SYN3: variants seen among roughly 807,000 people sequenced by gnomAD.
SYN3 encodes synapsin-3.
Under a neutral mutation model 65.8 loss-of-function variants are expected in SYN3, and 35 were observed. That is an observed-to-expected ratio of 0.53 (90% CI 0.41 to 0.70). SYN3 has a LOEUF of 0.70. SYN3 is among the 30% of genes least tolerant of loss of function. The pLI is 0.00. For missense variants in SYN3, 680 were observed against 749.0 expected (o/e 0.91, Z 1.08); for synonymous variants, 270 against 292.9 (o/e 0.92, Z 0.80).
At chr22:32,957,241 A>G (rs1467576702) in intron 3 of SYN3, among the ~76,000 whole-genome samples, 1 of 152,182 alleles carries the variant, frequency 6.6e-6, no homozygotes, top group African/African-American at 2.4e-5. Context: ...AAGCTGCCCA[A>G]GGGTTAAGTA....
In SYN3 at chr22:32,858,030, T is replaced by C. The variant is rs1472648618; in HGVS notation, c.711+6885A>G. The C allele has an allele frequency of 1.5e-5, 25 of 1,614,046 alleles. No homozygotes were observed. The highest frequency in any genetic ancestry group is 2.2e-5 in the East Asian group (1 of 44,874). ...TTCCTCCTGTAGGTCGCGTCTATGA[T>C]GGCAAGATGTACACGGGGCTGTGCA... On this transcript the variant is annotated intron_variant, in intron 6 of 13. Coordinates refer to ENST00000358763, the MANE Select transcript of SYN3 (RefSeq NM_003490.4).
At chr22:32,748,375 C>T (rs1490150821) in intron 6 of SYN3, among the ~76,000 whole-genome samples, 1 of 152,126 alleles carries the variant, frequency 6.6e-6, no homozygotes, top group East Asian at 1.9e-4. Context: ...CAGACAGCAA[C>T]CTCTCTGAGC....
In SYN3 at chr22:32,837,244, T is replaced by C. The variant is rs1209983816; in HGVS notation, c.711+27671A>G. On this transcript the variant is annotated intron_variant, in intron 6 of 13. Transcript: ENST00000358763. The surrounding 1 kb of genome is among the most constrained non-coding windows in gnomAD (Gnocchi z 4.1). ...AAGGGGCTGTGGTTGAAGACCATGC[T>C]GCTATTCTGGTGGCCACTTGTGTGG... 6.6e-6 allele frequency among the ~76,000 whole-genome samples: 1 copy of C among 152,232 alleles called. No homozygotes were observed. Among genetic ancestry groups the C allele is most frequent in the Admixed American group, 6.5e-5 (1 of 15,288 alleles).
chr22:32,649,841 C>T (rs892271894), intron 6 of SYN3, among the ~76,000 whole-genome samples: 5 of 152,094 alleles, frequency 3.3e-5, no homozygotes, highest in African/African-American at 4.8e-5. Context: ...GCCACAGAAT[C>T]GGGTGGTTTA....
Position 32,558,257 on chromosome 22 carries a change from C to T in SYN3, c.775-16544G>A, listed in dbSNP as rs530212218. ...TTCCTCCTTCCTCTTTACAATGTTA[C>T]TGAAGCTCAGAAACCCTGTAGGATA... On this transcript the variant is annotated intron_variant, in intron 7 of 13. Transcript: ENST00000358763. Among the ~76,000 whole-genome samples, 14 of 152,324 alleles carry T rather than the reference C, an allele frequency of 9.2e-5. No homozygotes were observed. In the South Asian group the frequency reaches 2.9e-3, roughly 32 times the overall value.
At chr22:32,580,470 G>A (rs895196744) in intron 7 of SYN3, among the ~76,000 whole-genome samples, 4 of 151,988 alleles carry the variant, frequency 2.6e-5, no homozygotes, top group Non-Finnish European at 4.4e-5. Flanking sequence ...CTCTCTTACT[G>A]TGCCTAAATT....
intron 7 of SYN3, among the ~76,000 whole-genome samples, chr22:32,580,817 T>C (rs2058928848): frequency 1.3e-5 from 2 of 152,164 alleles, no homozygotes; most frequent in Non-Finnish European, 2.9e-5. Context: ...CTCAAATAGG[T>C]AGCATCTGGC....
intron 4 of SYN3, among the ~76,000 whole-genome samples, chr22:32,909,095 C>T (rs1054397291): frequency 2.0e-5 from 3 of 152,104 alleles, no homozygotes; most frequent in Non-Finnish European, 2.9e-5. Context: ...CTGGACTAGG[C>T]GGCATGCTAA....
intron 6 of SYN3, among the ~76,000 whole-genome samples, chr22:32,834,059 A>G (rs1017655818): frequency 2.6e-5 from 4 of 152,226 alleles, no homozygotes; most frequent in African/African-American, 9.6e-5. Flanking sequence ...GAGCACTGGC[A>G]TATAATGGAA....
chr22:32,875,443 T>C (rs1435410224), intron 4 of SYN3, among the ~76,000 whole-genome samples: 2 of 152,182 alleles, frequency 1.3e-5, no homozygotes, highest in Non-Finnish European at 1.5e-5. Flanking sequence ...TTCCTCCTGG[T>C]CACCCTGGGA....
intron 6 of SYN3, among the ~76,000 whole-genome samples, chr22:32,614,305 G>A (rs867216979): frequency 6.6e-6 from 1 of 152,218 alleles, no homozygotes; most frequent in Non-Finnish European, 1.5e-5. Context: ...TGCAGCCGAT[G>A]GATGTGTGTG....
chr22:32,952,080 C>T (rs1482932006), intron 3 of SYN3, among the ~76,000 whole-genome samples: 1 of 152,156 alleles, frequency 6.6e-6, no homozygotes, highest in African/African-American at 2.4e-5. Flanking sequence ...TGAGCTCTTT[C>T]CCACCAGTTC....
intron 7 of SYN3, among the ~76,000 whole-genome samples, chr22:32,589,217 C>A (rs974752790): frequency 9.9e-5 from 15 of 152,208 alleles, no homozygotes; most frequent in Non-Finnish European, 1.9e-4. Flanking sequence ...AAGCCAAGAA[C>A]CTTCCCAGGC....
Position 32,756,507 on chromosome 22 carries a change from G to A in SYN3, c.711+108408C>T, listed in dbSNP as rs1381480339. Among the ~76,000 whole-genome samples the A allele has an allele frequency of 2.0e-5, 3 of 152,172 alleles. No individual in the cohort carries two copies. The East Asian group carries it at 5.8e-4, about 29-fold the overall frequency. On this transcript the variant is annotated intron_variant, in intron 6 of 13. Transcript: ENST00000358763. ...TGCCATGCATTTTACAACTATACATGCCGACTGATATAGTTTGGATGTCCC... is the reference window on the plus strand; with the variant it reads ...TGCCATGCATTTTACAACTATACATACCGACTGATATAGTTTGGATGTCCC...
intron 4 of SYN3, among the ~76,000 whole-genome samples, chr22:32,898,684 A>C (rs530806015): frequency 5.3e-5 from 8 of 152,244 alleles, no homozygotes; most frequent in African/African-American, 9.6e-5. Context: ...ATGTGTGTGC[A>C]TGTCTTGGGG....
rs71320935 is a variant in SYN3 at position 32,569,256 on chromosome 22, AATCT to A, written c.774+27414_774+27417del. On this transcript the variant is annotated intron_variant, in intron 7 of 13. Coordinates refer to ENST00000358763, the MANE Select transcript of SYN3 (RefSeq NM_003490.4). ...TTTCTATCTATCTCTATGCATCCAAAATCTATCTATCTATCTATCTATCTATCTA... is the reference window on the plus strand; with the variant it reads ...TTTCTATCTATCTCTATGCATCCAAAATCTATCTATCTATCTATCTATCTA... Among the ~76,000 whole-genome samples the A allele has an allele frequency of 4.9e-3, 686 of 141,076 alleles. 4 individuals carry two copies. The highest frequency in any genetic ancestry group is 0.02 in the East Asian group (84 of 4,228). The allele number at this position is 141,076 out of a possible 152,430, so 92.6% of individuals were successfully genotyped here.
At chr22:32,598,214 G>A (rs1342245428) in intron 6 of SYN3, among the ~76,000 whole-genome samples, 2 of 152,160 alleles carry the variant, frequency 1.3e-5, no homozygotes, top group Non-Finnish European at 2.9e-5. Flanking sequence ...CTCTTGCCTG[G>A]TCTGTCCTGT....
intron 6 of SYN3, among the ~76,000 whole-genome samples, chr22:32,638,967 T>G (rs2059857386): frequency 6.6e-6 from 1 of 152,174 alleles, no homozygotes; most frequent in South Asian, 2.1e-4. Flanking sequence ...GAAATCTTTT[T>G]TTTTGAGACA....
At chr22:32,744,042 C>T (rs767267247) in intron 6 of SYN3, among the ~76,000 whole-genome samples, 32 of 152,218 alleles carry the variant, frequency 2.1e-4, no homozygotes, top group Non-Finnish European at 3.7e-4. Flanking sequence ...ATGATGACCC[C>T]TTTCGTGCCC....
Sources: allele counts gnomAD v4.1 joint callset (sites outside exome capture counted in the v4.1 genomes callset), GRCh38; gene constraint gnomAD v4.1.1; non-coding constraint Gnocchi (gnomAD v3.1); transcripts MANE v1.5; gene names NCBI Gene and HGNC (gene_info 2026-07-23, HGNC 2026-07-21).